Variants in PCP4 observed in about 807,000 individuals in gnomAD.
The protein encoded by PCP4 is Purkinje cell protein 4.
A neutral mutation model predicts 10.0 loss-of-function variants in PCP4; 8 were observed. The observed-to-expected ratio is 0.80, with a 90% CI of 0.47 to 1.45. The LOEUF (loss-of-function observed/expected upper bound fraction) is 1.45, where lower values mean the gene tolerates loss of function less well. Ranked by LOEUF, PCP4 falls within the 40% of genes most tolerant of loss-of-function variation. PCP4 has a pLI of 0.00. For missense variants in PCP4, 54 were observed against 74.4 expected, an observed-to-expected ratio of 0.73 and a Z score of 1.01; for synonymous variants, 21 against 23.0, an observed-to-expected ratio of 0.91 and a Z score of 0.24.
chr21:39,871,376 A>G (rs1371602708), intron 1 of PCP4, among the ~76,000 whole-genome samples: 1 of 152,244 alleles, frequency 6.6e-6, no homozygotes, highest in East Asian at 1.9e-4. Flanking sequence ...GTGGCTGATT[A>G]GATTTGTAAG....
intron 1 of PCP4, among the ~76,000 whole-genome samples, chr21:39,876,563 T>C (rs1395685684): frequency 6.6e-6 from 1 of 152,188 alleles, no homozygotes; most frequent in Non-Finnish European, 1.5e-5. Flanking sequence ...CACATGATGA[T>C]ATTCTGAGAG....
intron 1 of PCP4, among the ~76,000 whole-genome samples, chr21:39,879,740 G>A (rs1335406800): frequency 6.6e-6 from 1 of 152,142 alleles, no homozygotes; most frequent in Non-Finnish European, 1.5e-5. Context: ...CGCCCTGCTG[G>A]CCCCCTCTGC....
At chr21:39,914,669 G>A (rs1244537079) in intron 2 of PCP4, among the ~76,000 whole-genome samples, 1 of 151,966 alleles carries the variant, frequency 6.6e-6, no homozygotes, top group Non-Finnish European at 1.5e-5. Flanking sequence ...GTTCAAGTGA[G>A]GTTCTTATAT....
chr21:39,880,312 GC>G lies in PCP4; in HGVS notation c.9+12804del, dbSNP rs569392061. Among the ~76,000 whole-genome samples, 97 of 152,318 alleles carry G rather than the reference GC, an allele frequency of 6.4e-4. 3 individuals carry two copies. In the South Asian group the frequency reaches 0.02, roughly 31 times the overall value. On this transcript the variant is annotated intron_variant, in intron 1 of 2. Coordinates refer to ENST00000328619, the MANE Select transcript of PCP4 (RefSeq NM_006198.3). ...GAGCTTTCAAGTTGGTTTGGAGGAA[GC>G]CTCCCTAGCAGCATGCTTGAATAAG...
At chr21:39,868,775 A>C (rs1476037142) in intron 1 of PCP4, among the ~76,000 whole-genome samples, 1 of 152,190 alleles carries the variant, frequency 6.6e-6, no homozygotes, top group Non-Finnish European at 1.5e-5. Context: ...TCACCAGCTA[A>C]AGAACAGTAG....
chr21:39,904,659 C>G (rs990054088), intron 2 of PCP4, among the ~76,000 whole-genome samples: 1 of 152,194 alleles, frequency 6.6e-6, no homozygotes, highest in Non-Finnish European at 1.5e-5. Flanking sequence ...CTCAGCTCTG[C>G]TCTGCTTCAG....
At position 39,868,325 on chromosome 21, in the gene PCP4, T is replaced by C. The variant is rs190854365; in HGVS notation, c.9+815T>C. Among the ~76,000 whole-genome samples, 258 of 152,338 alleles carry C rather than the reference T, an allele frequency of 1.7e-3. 2 individuals carry two copies. The highest frequency in any genetic ancestry group is 4.9e-3 in the African/African-American group (204 of 41,578). ...ACTTAAATAATTACTTTTAAAGATC[T>C]TTTATCTTCTCTGTCTCTTTTTGAC... On this transcript the variant is annotated intron_variant, in intron 1 of 2. Coordinates refer to ENST00000328619, the MANE Select transcript of PCP4 (RefSeq NM_006198.3).
chr21:39,908,696 G>A (rs556518513), intron 2 of PCP4, among the ~76,000 whole-genome samples: 3 of 152,272 alleles, frequency 2.0e-5, no homozygotes, highest in East Asian at 1.9e-4. Flanking sequence ...AGGAGGGTGG[G>A]AGTGCCCGCG....
At chr21:39,902,725 G>A (rs564574073) in intron 2 of PCP4, among the ~76,000 whole-genome samples, 2 of 152,056 alleles carry the variant, frequency 1.3e-5, no homozygotes, top group South Asian at 2.1e-4. Flanking sequence ...AAATATTAGG[G>A]TTATAATTTT....
chr21:39,898,655 G>A, intron 2 of PCP4, 128 bp downstream of exon 2: 1 of 693,356 alleles, frequency 1.4e-6, no homozygotes, highest in Non-Finnish European at 2.5e-6. Context: ...AGCTTACAGA[G>A]GATTTTAGCA....
chr21:39,899,428 C>T (rs2087472705), intron 2 of PCP4, among the ~76,000 whole-genome samples: 1 of 152,150 alleles, frequency 6.6e-6, no homozygotes, highest in Non-Finnish European at 1.5e-5. Flanking sequence ...ATGCCAATCT[C>T]AAATACCATC....
In PCP4 at chr21:39,915,341, A is replaced by C. The variant is rs903262657; in HGVS notation, c.62-13643A>C. 2.0e-5 allele frequency among the ~76,000 whole-genome samples: 3 copies of C among 152,226 alleles called. No homozygotes were observed. In the East Asian group the frequency reaches 5.8e-4, roughly 29 times the overall value. On this transcript the variant is annotated intron_variant, in intron 2 of 2. Transcript: ENST00000328619. ...AAGCAAAAGATAAAATGTGCAGTTC[A>C]GGGAAGGAAATGAGCCCATCCAATA...
chr21:39,900,677 C>T (rs1473165617), intron 2 of PCP4, among the ~76,000 whole-genome samples: 1 of 152,034 alleles, frequency 6.6e-6, no homozygotes, highest in African/African-American at 2.4e-5. Flanking sequence ...CCCCAATCCC[C>T]TGTATGGCCT....
chr21:39,871,488 A>G (rs1489922336), intron 1 of PCP4, among the ~76,000 whole-genome samples: 1 of 152,214 alleles, frequency 6.6e-6, no homozygotes, highest in Non-Finnish European at 1.5e-5. Flanking sequence ...ACAAAGGTCA[A>G]ATGACAATTC....
intron 1 of PCP4, among the ~76,000 whole-genome samples, chr21:39,895,508 A>G (rs1202974732): frequency 6.6e-6 from 1 of 152,212 alleles, no homozygotes; most frequent in African/African-American, 2.4e-5. Flanking sequence ...CACAGTACTG[A>G]GAGATGCTTA....
chr21:39,915,915 A>G (rs542099222), intron 2 of PCP4, among the ~76,000 whole-genome samples: 2 of 152,218 alleles, frequency 1.3e-5, no homozygotes, highest in African/African-American at 4.8e-5. Flanking sequence ...CAATGAACAG[A>G]CTCAGCCACA....
At chr21:39,902,768 G>A (rs2087487275) in intron 2 of PCP4, among the ~76,000 whole-genome samples, 1 of 152,004 alleles carries the variant, frequency 6.6e-6, no homozygotes. Context: ...TTCAGGGCTT[G>A]GAGGTTCAGA....
chr21:39,924,418 G>C (rs1309736141), intron 2 of PCP4, among the ~76,000 whole-genome samples: 1 of 152,186 alleles, frequency 6.6e-6, no homozygotes, highest in Non-Finnish European at 1.5e-5. Context: ...GAAATCCATA[G>C]ACCCACTTCT....
intron 1 of PCP4, among the ~76,000 whole-genome samples, chr21:39,896,017 AC>A (rs2087455274): frequency 6.6e-6 from 1 of 152,148 alleles, no homozygotes; most frequent in South Asian, 2.1e-4. Context: ...GACATAAATC[AC>A]CTTCATTGTG....
Sources: gnomAD v4.1 joint callset for allele counts (sites outside exome capture counted in the v4.1 genomes callset) on GRCh38, gnomAD v4.1.1 for gene constraint, MANE v1.5 for transcripts, NCBI Gene and HGNC (gene_info 2026-07-23, HGNC 2026-07-21) for gene names.